The following FRY variants were observed in gnomAD, a reference collection of about 807,000 sequenced individuals.
The protein encoded by FRY is FRY microtubule binding protein.
FRY carries 128 observed loss-of-function variants against 348.4 expected under a neutral mutation model. The observed-to-expected ratio is 0.37, with a 90% CI of 0.32 to 0.43. The LOEUF (loss-of-function observed/expected upper bound fraction) is 0.43. Among genes scored for constraint, FRY ranks in the 20% least tolerant of loss-of-function variants. The pLI is 1.00. For missense variants in FRY, 2,736 were observed against 3,695.2 expected, an observed-to-expected ratio of 0.74 and a Z score of 6.73; for synonymous variants, 1,370 against 1,374.7, an observed-to-expected ratio of 1.00 and a Z score of 0.08.
Position 32,239,850 on chromosome 13 carries a change from T to A in FRY, c.6656T>A (p.Ile2219Asn), listed in dbSNP as rs750254206. ...TACCTTCATGAAGCATATGCTGACA[T>A]TACCTTGAATATGGTTACCTACCTG... Reference protein sequence around the residue: ...CRYLHEAYADITLNMVTYLAE... With the variant: ...CRYLHEAYADNTLNMVTYLAE... Residue 2219 changes from isoleucine to asparagine, a missense_variant, in exon 46 of 61, where the codon ATT becomes AAT. Ile to Asn is a moderately radical substitution (Grantham distance 149, BLOSUM62 -3). Transcript: ENST00000542859. The surrounding 1 kb of genome is among the most constrained non-coding windows in gnomAD (Gnocchi z 4.3). 4 of 1,613,994 alleles carry A rather than the reference T, an allele frequency of 2.5e-6. No homozygotes were observed. The highest frequency in any genetic ancestry group is 1.7e-5 in the Admixed American group (1 of 59,992).
chr13:32,284,558 A>T (rs1888959236), intron 58 of FRY, among the ~76,000 whole-genome samples: 1 of 152,230 alleles, frequency 6.6e-6, no homozygotes, highest in African/African-American at 2.4e-5. Context: ...AATCTGTATC[A>T]TAGGTGTATT....
chr13:32,186,545 C>A, intron 27 of FRY, 125 bp downstream of exon 27: 2 of 720,732 alleles, frequency 2.8e-6, no homozygotes, highest in South Asian at 1.6e-5. Context: ...AATCTAAGCG[C>A]ACATACAAAA....
At chr13:32,044,269 T>C (rs1211792503) in intron 1 of FRY, among the ~76,000 whole-genome samples, 1 of 152,206 alleles carries the variant, frequency 6.6e-6, no homozygotes, top group South Asian at 2.1e-4. Context: ...TATTTTCCAG[T>C]AAGGTTTATA....
At chr13:32,187,182 G>A (rs529932882) in intron 27 of FRY, among the ~76,000 whole-genome samples, 4 of 152,188 alleles carry the variant, frequency 2.6e-5, no homozygotes, top group Non-Finnish European at 5.9e-5. Context: ...AATTCGAAAA[G>A]CTATATTTAT....
At chr13:32,130,452 TTGTGTG>T (rs58000380) in intron 7 of FRY, among the ~76,000 whole-genome samples, 29 of 141,990 alleles carry the variant, frequency 2.0e-4, no homozygotes, top group African/African-American at 4.5e-4. Flanking sequence ...TGGAAAGTGT[TTGTGTG>T]TGTGTGTGTG....
In FRY at chr13:32,096,944, T is replaced by TTATA. The variant is rs35657403; in HGVS notation, c.271-5009_271-5006dup. ...CTTGACTTTTATGTATAGCAACAAC[T>TTATA]TATATATATATATCAACTTTGCTTA... On this transcript the variant is annotated intron_variant, in intron 2 of 60. Transcript: ENST00000542859. Among the ~76,000 whole-genome samples, 265 of 151,070 alleles carry TTATA rather than the reference T, an allele frequency of 1.8e-3. 1 individual carries two copies. The highest frequency in any genetic ancestry group is 4.6e-3 in the African/African-American group (189 of 41,202).
At position 32,185,007 on chromosome 13, in the gene FRY, GC is replaced by G. The variant is rs1273699385; in HGVS notation, c.3181del (p.Leu1061TrpfsTer6). On this transcript the variant is annotated frameshift_variant, in exon 26 of 61. Coordinates refer to ENST00000542859, the MANE Select transcript of FRY (RefSeq NM_023037.3). LOFTEE classifies it high-confidence loss of function. ...TNGALERDTL[A>X]LGALFLEYVD... The stretch of plus-strand genomic sequence containing the variant: ...TGGAGCCCTAGAGCGGGATACTTTA[GC>G]CCTGGGAGCTTTGTTCTTAGAATAT... The G allele has an allele frequency of 6.2e-7, 1 of 1,613,986 alleles. No individual in the cohort carries two copies. The highest frequency in any genetic ancestry group is 2.2e-5 in the East Asian group (1 of 44,874).
rs1357992270 is a variant in FRY at position 32,261,350 on chromosome 13, CT to C, written c.7417-261del. The stretch of plus-strand genomic sequence containing the variant: ...CATTGGTAGTGTTTACCAAAATCAA[CT>C]TTTTAAAAAATGTAATTATTACCCA... On this transcript the variant is annotated intron_variant, in intron 51 of 60. Transcript: ENST00000542859. 16 of 559,032 alleles carry C rather than the reference CT, an allele frequency of 2.9e-5. 1 individual carries two copies. Among genetic ancestry groups the C allele is most frequent in the South Asian group, 2.6e-4 (14 of 54,182 alleles). The allele number at this position is 559,032 out of a possible 1,614,324, so 34.6% of individuals were successfully genotyped here.
Position 32,072,569 on chromosome 13 carries a change from A to G in FRY, c.71-6265A>G, listed in dbSNP as rs142684506. On this transcript the variant is annotated intron_variant, in intron 1 of 60. Coordinates refer to ENST00000542859, the MANE Select transcript of FRY (RefSeq NM_023037.3). ...TTTCAGGGTTTCTGGCCATTTGAGTATTTGCAGTACCTTTTTACATGCCAT... is the reference window on the plus strand; with the variant it reads ...TTTCAGGGTTTCTGGCCATTTGAGTGTTTGCAGTACCTTTTTACATGCCAT... Among the ~76,000 whole-genome samples the G allele has an allele frequency of 3.6e-4, 55 of 152,048 alleles. No individual in the cohort carries two copies. The East Asian group carries it at 0.01, about 29-fold the overall frequency.
rs555618262 is a variant in FRY at position 32,194,674 on chromosome 13, G to C, written c.3746+377G>C. ...CCATCTTTACAGAAGACCAAACCCA[G>C]GAAGTGGCCTAAAATTTTTAAACTC... On this transcript the variant is annotated intron_variant, in intron 29 of 60. Transcript: ENST00000542859. 2.0e-5 allele frequency among the ~76,000 whole-genome samples: 3 copies of C among 152,204 alleles called. No homozygotes were observed. In the East Asian group the frequency reaches 5.8e-4, roughly 29 times the overall value.
intron 55 of FRY, among the ~76,000 whole-genome samples, 190 bp from the exon 56 acceptor site, chr13:32,274,652 C>G (rs562858734): frequency 8.5e-5 from 12 of 140,510 alleles, no homozygotes; most frequent in Admixed American, 7.7e-4. Flanking sequence ...TGCAGTGAGC[C>G]GAGATCGCGC....
chr13:32,056,176 C>T (rs898321039), intron 1 of FRY, among the ~76,000 whole-genome samples: 13 of 130,726 alleles, frequency 9.9e-5, no homozygotes, highest in East Asian at 2.1e-4. Context: ...GGTGACAGAG[C>T]GAGACTCCAT....
intron 18 of FRY, among the ~76,000 whole-genome samples, chr13:32,172,986 G>A (rs569145092): frequency 4.2e-4 from 64 of 152,326 alleles, no homozygotes; most frequent in African/African-American, 1.4e-3. Context: ...TTGAAAATTC[G>A]ATTCAATAGT....
chr13:32,177,393 C>T (rs1481618104), intron 20 of FRY, among the ~76,000 whole-genome samples: 1 of 152,000 alleles, frequency 6.6e-6, no homozygotes, highest in East Asian at 1.9e-4. Flanking sequence ...AATTCGAGAC[C>T]AGCCTGACCA....
intron 31 of FRY, among the ~76,000 whole-genome samples, chr13:32,202,864 G>A (rs780545014): frequency 5.9e-5 from 9 of 151,622 alleles, no homozygotes; most frequent in Admixed American, 2.6e-4. Flanking sequence ...CAGGAGAATC[G>A]CTTGAACCCA....
rs182793222 is a variant in FRY at position 32,273,591 on chromosome 13, G to T, written c.8137-1251G>T. Among the ~76,000 whole-genome samples, 14 of 152,312 alleles carry T rather than the reference G, an allele frequency of 9.2e-5. No homozygotes were observed. The East Asian group carries it at 2.7e-3, about 29-fold the overall frequency. On this transcript the variant is annotated intron_variant, in intron 55 of 60. Transcript: ENST00000542859. Reference sequence around the variant, plus strand: ...ATGAGTGATGTACATTAAGCTCTAAGACAGAATTAGGCTCAGTTGAGACAC... The same window carrying T: ...ATGAGTGATGTACATTAAGCTCTAATACAGAATTAGGCTCAGTTGAGACAC...
intron 19 of FRY, among the ~76,000 whole-genome samples, chr13:32,174,006 C>G (rs902131489): frequency 2.0e-5 from 3 of 152,176 alleles, no homozygotes; most frequent in African/African-American, 7.2e-5. Flanking sequence ...AACACGTCCT[C>G]TTGAAATGGG....
At chr13:32,187,455 A>G (rs1883087885) in intron 27 of FRY, 91 bp from the exon 28 acceptor site, 1 of 788,630 alleles carries the variant, frequency 1.3e-6, no homozygotes, top group Non-Finnish European at 2.3e-6. Context: ...TATCATTTAT[A>G]ATTCTGACAA....
In FRY at chr13:32,209,207, A is replaced by C. The variant is rs1372312450; in HGVS notation, c.4275+98A>C. The C allele has an allele frequency of 2.2e-6, 3 of 1,348,310 alleles. No individual in the cohort carries two copies. The African/African-American group carries it at 4.3e-5, about 19-fold the overall frequency. 83.5% of individuals were successfully genotyped at this position (1,348,310 alleles called of 1,614,324 possible). A position where few individuals can be genotyped will look rare whatever the true frequency, so the allele number is the denominator to read the frequency against. ...CCGGGGAAAATGGGATTCCTTTAAA[A>C]ATCACATGACTGGGGATAAATAGTG... On this transcript the variant is annotated intron_variant, in intron 32 of 60. Transcript: ENST00000542859.
Sources: allele counts gnomAD v4.1 joint callset (sites outside exome capture counted in the v4.1 genomes callset), GRCh38; gene constraint gnomAD v4.1.1; non-coding constraint Gnocchi (gnomAD v3.1); transcripts MANE v1.5; gene names NCBI Gene and HGNC (gene_info 2026-07-23, HGNC 2026-07-21).